SCAPER: variants seen among roughly 807,000 people sequenced by gnomAD.
The protein encoded by SCAPER is S phase cyclin A-associated protein in the endoplasmic reticulum.
Under a neutral mutation model 182.2 loss-of-function variants are expected in SCAPER, and 98 were observed. The observed-to-expected ratio is 0.54, with a 90% CI of 0.46 to 0.64. The LOEUF (loss-of-function observed/expected upper bound fraction) is 0.64, where lower values mean the gene tolerates loss of function less well. SCAPER is among the 30% of genes least tolerant of loss of function. SCAPER has a pLI of 0.00. For synonymous variants in SCAPER, 605 were observed against 564.6 expected, an observed-to-expected ratio of 1.07 and a Z score of -1.01; for missense variants, 1,432 against 1,690.0, an observed-to-expected ratio of 0.85 and a Z score of 2.68.
intron 26 of SCAPER, among the ~76,000 whole-genome samples, chr15:76,423,052 G>C (rs1241224010): frequency 1.3e-5 from 2 of 152,168 alleles, no homozygotes; most frequent in African/African-American, 4.8e-5. Flanking sequence ...TTGCATTGAT[G>C]TTCATCAGGG....
At chr15:76,806,002 G>A (rs2066135525) in intron 5 of SCAPER, among the ~76,000 whole-genome samples, 5 of 152,132 alleles carry the variant, frequency 3.3e-5, no homozygotes. Flanking sequence ...CCATATGGCT[G>A]ACAAACATCT....
intron 21 of SCAPER, among the ~76,000 whole-genome samples, chr15:76,652,323 C>T (rs56368775): frequency 1.2e-4 from 5 of 41,620 alleles, no homozygotes; most frequent in African/African-American, 2.1e-4. Flanking sequence ...CACACACACA[C>T]ACACACACAT....
chr15:76,866,920 G>A (rs2072340947), intron 2 of SCAPER, among the ~76,000 whole-genome samples: 1 of 151,986 alleles, frequency 6.6e-6, no homozygotes, highest in Non-Finnish European at 1.5e-5. Flanking sequence ...GTGCCACCTA[G>A]TGCTGTATGG....
chr15:76,552,165 C>A (rs187848666), intron 23 of SCAPER, among the ~76,000 whole-genome samples: 7 of 152,208 alleles, frequency 4.6e-5, no homozygotes, highest in Non-Finnish European at 8.8e-5. Context: ...TGCCTGTAGT[C>A]CCAGCTATTA....
At chr15:76,798,253 A>G (rs950825546) in intron 7 of SCAPER, among the ~76,000 whole-genome samples, 5 of 151,958 alleles carry the variant, frequency 3.3e-5, no homozygotes, top group African/African-American at 1.2e-4. Flanking sequence ...CCAGCTACTC[A>G]GGAGGCTAAG....
At chr15:76,871,165 T>C (rs941714465) in intron 2 of SCAPER, among the ~76,000 whole-genome samples, 1 of 152,088 alleles carries the variant, frequency 6.6e-6, no homozygotes, top group South Asian at 2.1e-4. Context: ...ATCCCAGCAC[T>C]TTGGGAGTTC....
intron 23 of SCAPER, among the ~76,000 whole-genome samples, chr15:76,542,764 A>G (rs982968393): frequency 6.6e-6 from 1 of 151,984 alleles, no homozygotes; most frequent in Non-Finnish European, 1.5e-5. Flanking sequence ...ATGAAACACA[A>G]CTGTGTTTTA....
intron 21 of SCAPER, among the ~76,000 whole-genome samples, chr15:76,633,065 CA>C (rs1465883294): frequency 6.6e-6 from 1 of 152,278 alleles, no homozygotes; most frequent in East Asian, 1.9e-4. Flanking sequence ...AGGTGTAAGC[CA>C]CCGTGCCCAG....
At chr15:76,368,794 T>C (rs1304134532) in intron 29 of SCAPER, among the ~76,000 whole-genome samples, 2 of 152,174 alleles carry the variant, frequency 1.3e-5, no homozygotes, top group African/African-American at 2.4e-5. Flanking sequence ...ATATTCCCAA[T>C]ATAGTAATAT....
chr15:76,585,446 C>T (rs1406526789), intron 22 of SCAPER, among the ~76,000 whole-genome samples: 1 of 152,126 alleles, frequency 6.6e-6, no homozygotes. Context: ...TGGCAGTGAA[C>T]TTCACTGTGT....
chr15:76,432,168 G>A (rs2046913921), intron 26 of SCAPER, among the ~76,000 whole-genome samples: 1 of 152,180 alleles, frequency 6.6e-6, no homozygotes, highest in African/African-American at 2.4e-5. Context: ...GGAGAATGCA[G>A]GGACAGAATG....
chr15:76,771,699 C>CA (rs1471625797), intron 10 of SCAPER, 43 bp downstream of exon 10: 1 of 1,460,632 alleles, frequency 6.8e-7, no homozygotes, highest in East Asian at 2.3e-5. Context: ...TAAATATACT[C>CA]AGAATTCTGA....
intron 2 of SCAPER, among the ~76,000 whole-genome samples, chr15:76,863,506 CAAGT>C (rs918926182): frequency 2.0e-5 from 3 of 152,014 alleles, no homozygotes; most frequent in African/African-American, 7.3e-5. Flanking sequence ...GCAAAAGCAT[CAAGT>C]AAGAGACTGA....
intron 16 of SCAPER, 126 bp from the exon 17 acceptor site, chr15:76,728,863 A>G: frequency 1.0e-6 from 1 of 959,784 alleles, no homozygotes; most frequent in Non-Finnish European, 1.5e-6. Context: ...GCCACTAGGT[A>G]CTCTGCTTCT....
At chr15:76,611,690 C>A (rs1029506474) in intron 22 of SCAPER, among the ~76,000 whole-genome samples, 7 of 152,006 alleles carry the variant, frequency 4.6e-5, no homozygotes, top group African/African-American at 1.4e-4. Context: ...TGGAAAAATC[C>A]AAAATGAAAT....
At chr15:76,492,874 T>G (rs1322514661) in intron 24 of SCAPER, among the ~76,000 whole-genome samples, 2 of 151,628 alleles carry the variant, frequency 1.3e-5, no homozygotes, top group Non-Finnish European at 2.9e-5. Context: ...GAGTGTTTTT[T>G]TTTTTTTTTT....
intron 22 of SCAPER, among the ~76,000 whole-genome samples, chr15:76,577,572 G>C (rs1490427880): frequency 6.6e-6 from 1 of 152,180 alleles, no homozygotes; most frequent in Non-Finnish European, 1.5e-5. Context: ...CTAGCTCCTG[G>C]ATGGTATTTT....
At chr15:76,462,343 G>A (rs1193987228) in intron 25 of SCAPER, among the ~76,000 whole-genome samples, 1 of 152,050 alleles carries the variant, frequency 6.6e-6, no homozygotes, top group African/African-American at 2.4e-5. Flanking sequence ...TCTGCAGGAG[G>A]GTCAGTCCGA....
chr15:76,568,899 A>G (rs1269997246), intron 23 of SCAPER, among the ~76,000 whole-genome samples: 1 of 151,926 alleles, frequency 6.6e-6, no homozygotes, highest in African/African-American at 2.4e-5. Flanking sequence ...ATATATAAAT[A>G]TAATTGATTT....
Sources: gnomAD v4.1 joint callset for allele counts (sites outside exome capture counted in the v4.1 genomes callset) on GRCh38, gnomAD v4.1.1 for gene constraint, MANE v1.5 for transcripts, NCBI Gene and HGNC (gene_info 2026-07-23, HGNC 2026-07-21) for gene names.